Variants in LMO1 observed in about 807,000 individuals in gnomAD.
LMO1 encodes LIM domain only 1.
A neutral mutation model predicts 18.0 loss-of-function variants in LMO1; 10 were observed. The observed-to-expected ratio is 0.55, with a 90% confidence interval of 0.34 to 0.94. The LOEUF is 0.94. LMO1 is among the 40% of genes least tolerant of loss of function. The pLI, the probability that LMO1 is intolerant of heterozygous loss-of-function variation, is 0.02. For synonymous variants in LMO1, 77 were observed against 77.9 expected, an observed-to-expected ratio of 0.99 and a Z score of 0.06; for missense variants, 183 against 205.7, an observed-to-expected ratio of 0.89 and a Z score of 0.68.
At chr11:8,266,047 G>A (rs1847257397), upstream of LMO1, among the ~76,000 whole-genome samples, 1 of 152,190 alleles carries the variant, frequency 6.6e-6, no homozygotes, top group African/African-American at 2.4e-5. Flanking sequence ...AGGGCCCTGT[G>A]CCCCAAACCC....
chr11:8,249,261 G>A (rs1361048477), intron 1 of LMO1, among the ~76,000 whole-genome samples: 1 of 152,144 alleles, frequency 6.6e-6, no homozygotes, highest in Non-Finnish European at 1.5e-5. Flanking sequence ...AGCTCTGGAC[G>A]AAACTGAAGG....
chr11:8,224,390 A>G lies in LMO1; in HGVS notation c.*226T>C. Reference sequence around the variant, plus strand: ...TCATAAAATAAATGTTCCCATTTATATACAGAAGACAGACTGTACAGGCCC... The same window carrying G: ...TCATAAAATAAATGTTCCCATTTATGTACAGAAGACAGACTGTACAGGCCC... On this transcript the variant is annotated 3_prime_UTR_variant, in exon 4 of 4. Transcript: ENST00000335790. 1.9e-6 allele frequency: 1 copy of G among 537,702 alleles called. No individual in the cohort carries two copies. The highest frequency in any genetic ancestry group is 3.3e-6 in the Non-Finnish European group (1 of 301,966). The allele number at this position is 537,702 out of a possible 1,614,324, so 33.3% of individuals were successfully genotyped here.
upstream of LMO1, chr11:8,268,466 C>G (rs889000200): frequency 2.4e-5 from 35 of 1,446,986 alleles, no homozygotes; most frequent in Non-Finnish European, 3.0e-5. Flanking sequence ...ACGGCTCCAG[C>G]CGGACTAGCG....
At chr11:8,240,802 A>T (rs1846774902) in intron 1 of LMO1, among the ~76,000 whole-genome samples, 1 of 152,114 alleles carries the variant, frequency 6.6e-6, no homozygotes, top group African/African-American at 2.4e-5. Context: ...GGAAGACACA[A>T]ACACTCAGAT....
chr11:8,226,464 G>T (rs562977364), intron 3 of LMO1, among the ~76,000 whole-genome samples: 1 of 152,168 alleles, frequency 6.6e-6, no homozygotes, highest in African/African-American at 2.4e-5. Context: ...CGTGAGCCAA[G>T]ATTGTGAGAT....
At chr11:8,243,712 C>T (rs1846837947) in intron 1 of LMO1, among the ~76,000 whole-genome samples, 1 of 152,224 alleles carries the variant, frequency 6.6e-6, no homozygotes, top group Admixed American at 6.5e-5. Flanking sequence ...GTGAGGTGGA[C>T]AAGGAGGCAC....
chr11:8,263,637 G>T lies in LMO1; in HGVS notation c.-275C>A, dbSNP rs945502001. The T allele has an allele frequency of 5.2e-6, 7 of 1,340,344 alleles. No homozygotes were observed. In the African/African-American group the frequency reaches 9.2e-5, roughly 18 times the overall value. 83.0% of individuals were successfully genotyped at this position (1,340,344 alleles called of 1,614,324 possible). A position where few individuals can be genotyped will look rare whatever the true frequency, so the allele number is the denominator to read the frequency against. On this transcript the variant is annotated 5_prime_UTR_variant, in exon 1 of 4. Transcript: ENST00000335790. ...GAGAGGGAGAGGGAGAGAGAAGGGG[G>T]AAAAGAGGATCAGAGCCGTTTCTTT...
intron 1 of LMO1, among the ~76,000 whole-genome samples, chr11:8,231,617 G>A (rs1008293): frequency 1.8e-4 from 27 of 152,320 alleles, no homozygotes; most frequent in African/African-American, 5.3e-4. Context: ...GACAGGGAGC[G>A]TGTGCATGCT....
At chr11:8,227,173 T>G (rs1166728100) in intron 2 of LMO1, 73 bp from the exon 3 acceptor site, 4 of 1,560,470 alleles carry the variant, frequency 2.6e-6, no homozygotes. Flanking sequence ...AGGAGTTGCC[T>G]CCATCCAGGG....
chr11:8,239,342 T>G (rs941007534), intron 1 of LMO1, among the ~76,000 whole-genome samples: 1 of 152,166 alleles, frequency 6.6e-6, no homozygotes, highest in Non-Finnish European at 1.5e-5. Flanking sequence ...ACTTTCCCAC[T>G]CATCTATTGG....
chr11:8,247,248 G>A lies in LMO1; in HGVS notation c.25+16090C>T, dbSNP rs190540727. On this transcript the variant is annotated intron_variant, in intron 1 of 3. Coordinates refer to ENST00000335790, the MANE Select transcript of LMO1 (RefSeq NM_002315.3). Reference sequence around the variant, plus strand: ...ATGTGCATAATGCTACATGCATAATGAATAGCATCATAGTAAGGACTCCCC... The same window carrying A: ...ATGTGCATAATGCTACATGCATAATAAATAGCATCATAGTAAGGACTCCCC... 4.2e-3 allele frequency among the ~76,000 whole-genome samples: 632 copies of A among 152,266 alleles called. 6 individuals carry two copies. Among genetic ancestry groups the A allele is most frequent in the African/African-American group, 0.014 (598 of 41,542 alleles).
intron 1 of LMO1, among the ~76,000 whole-genome samples, chr11:8,246,643 C>T (rs2134560530): frequency 6.6e-6 from 1 of 152,238 alleles, no homozygotes; most frequent in African/African-American, 2.4e-5. Flanking sequence ...TACCAAAAAC[C>T]ACTAAAGTAT....
rs1183425942 is a variant in LMO1 at position 8,254,660 on chromosome 11, C to T, written c.25+8678G>A. Among the ~76,000 whole-genome samples the T allele has an allele frequency of 2.6e-5, 4 of 151,190 alleles. No individual in the cohort carries two copies. In the East Asian group the frequency reaches 7.8e-4, roughly 30 times the overall value. On this transcript the variant is annotated intron_variant, in intron 1 of 3. Coordinates refer to ENST00000335790, the MANE Select transcript of LMO1 (RefSeq NM_002315.3). ...CCTGGGAGGAATGGAGCTGGGCTCC[C>T]ATGGCAGCCCCACTCAAACTGCCCA...
At chr11:8,263,211 C>T (rs983984792) in intron 1 of LMO1, 127 bp downstream of exon 1, 1 of 845,686 alleles carries the variant, frequency 1.2e-6, no homozygotes, top group Non-Finnish European at 1.6e-6. Flanking sequence ...GCCCCCAGCG[C>T]GCCGCCCGCC....
Position 8,263,425 on chromosome 11 carries a change from G to A in LMO1, c.-63C>T. On this transcript the variant is annotated 5_prime_UTR_variant, in exon 1 of 4. Coordinates refer to ENST00000335790, the MANE Select transcript of LMO1 (RefSeq NM_002315.3). ...CGGGAGAAGGGCGCCGACTCGGGGC[G>A]CGCTTTGGAGGGGCGGCCGGTCTTC... 1 of 1,587,206 alleles carries A rather than the reference G, an allele frequency of 6.3e-7. No individual in the cohort carries two copies. The highest frequency in any genetic ancestry group is 8.5e-7 in the Non-Finnish European group (1 of 1,172,472).
At chr11:8,249,676 C>T (rs116662268) in intron 1 of LMO1, among the ~76,000 whole-genome samples, 28 of 152,290 alleles carry the variant, frequency 1.8e-4, no homozygotes, top group African/African-American at 6.5e-4. Flanking sequence ...CACAATGTAG[C>T]GCTGCCAACC....
intron 1 of LMO1, among the ~76,000 whole-genome samples, chr11:8,261,538 C>T (rs1157138541): frequency 6.6e-6 from 1 of 152,196 alleles, no homozygotes; most frequent in Non-Finnish European, 1.5e-5. Flanking sequence ...ACGTACAGAG[C>T]CCGAGTCTTC....
chr11:8,232,882 G>A (rs1952693296), intron 1 of LMO1, among the ~76,000 whole-genome samples: 1 of 152,206 alleles, frequency 6.6e-6, no homozygotes, highest in Non-Finnish European at 1.5e-5. Flanking sequence ...CCTGGCTCTT[G>A]GACAGGCTGG....
At chr11:8,246,594 C>A (rs551729073) in intron 1 of LMO1, among the ~76,000 whole-genome samples, 1 of 152,184 alleles carries the variant, frequency 6.6e-6, no homozygotes, top group South Asian at 2.1e-4. Flanking sequence ...AAATGTTTTT[C>A]AATTAGATAA....
Sources: allele counts gnomAD v4.1 joint callset (sites outside exome capture counted in the v4.1 genomes callset), GRCh38; gene constraint gnomAD v4.1.1; transcripts MANE v1.5; gene names NCBI Gene and HGNC (gene_info 2026-07-23, HGNC 2026-07-21).